The following MPDZ variants were observed in gnomAD, a reference collection of about 807,000 sequenced individuals.
MPDZ encodes the protein multiple PDZ domain protein.
A neutral mutation model predicts 239.1 loss-of-function variants in MPDZ; 234 were observed. That is an observed-to-expected ratio of 0.98 (90% CI 0.88 to 1.09). The LOEUF (loss-of-function observed/expected upper bound fraction) is 1.09, where lower values mean the gene tolerates loss of function less well. Among genes scored for constraint, MPDZ ranks in the 50% least tolerant of loss-of-function variants. The probability of loss-of-function intolerance (pLI) is 0.00; values close to 1 mark genes in which losing one functional copy is unlikely to be tolerated. For synonymous variants in MPDZ, 1,048 were observed against 881.3 expected, an observed-to-expected ratio of 1.19 and a Z score of -3.35; for missense variants, 3,175 against 2,510.0, an observed-to-expected ratio of 1.26 and a Z score of -5.66.
chr9:13,217,970 G>C (rs1412113), intron 8 of MPDZ, among the ~76,000 whole-genome samples: 145,535 of 151,828 alleles, frequency 0.96, 70,048 homozygotes, highest in East Asian at 1. Flanking sequence ...TTAAGCATTA[G>C]TTGATTGGTA....
At chr9:13,155,275 G>C (rs1218378259) in intron 24 of MPDZ, among the ~76,000 whole-genome samples, 2 of 151,948 alleles carry the variant, frequency 1.3e-5, no homozygotes, top group Non-Finnish European at 2.9e-5. Context: ...ACAACTGAAA[G>C]TAAAAAATGC....
chr9:13,198,731 CTCTCTCTG>C (rs1178146211), intron 12 of MPDZ, among the ~76,000 whole-genome samples: 6 of 4,438 alleles, frequency 1.4e-3, no homozygotes, highest in East Asian at 8.7e-3. Flanking sequence ...TCTTTAATCT[CTCTCTCTG>C]TGTGTGTGTG....
chr9:13,108,595 A>G (rs1363579673), intron 46 of MPDZ, among the ~76,000 whole-genome samples: 1 of 152,178 alleles, frequency 6.6e-6, no homozygotes, highest in Admixed American at 6.5e-5. Flanking sequence ...AGTGCTCTAC[A>G]GCATACTTAT....
intron 3 of MPDZ, among the ~76,000 whole-genome samples, chr9:13,238,688 AAAG>A (rs1163486860): frequency 6.6e-6 from 1 of 152,194 alleles, no homozygotes; most frequent in Admixed American, 6.5e-5. Flanking sequence ...ATGCACTATC[AAAG>A]AAGGATACCA....
At chr9:13,123,050 C>T in intron 36 of MPDZ, 103 bp downstream of exon 36, 2 of 1,229,612 alleles carry the variant, frequency 1.6e-6, no homozygotes, top group Non-Finnish European at 2.2e-6. Context: ...TTTTTTCGGC[C>T]TTCACATTTC....
At chr9:13,257,789 G>C (rs1224724399) in intron 1 of MPDZ, among the ~76,000 whole-genome samples, 2 of 152,100 alleles carry the variant, frequency 1.3e-5, no homozygotes, top group Non-Finnish European at 2.9e-5. Context: ...AGTTAAATTT[G>C]AATTTCAGGT....
intron 24 of MPDZ, among the ~76,000 whole-genome samples, chr9:13,154,441 C>G (rs150350654): frequency 1.6e-4 from 24 of 152,260 alleles, no homozygotes; most frequent in South Asian, 4.1e-4. Flanking sequence ...GAGCTGTGAA[C>G]TGAGTCTCTG....
rs779501527 is a variant in MPDZ at position 13,219,623 on chromosome 9, C to T, written c.1022G>A (p.Arg341His). Residue 341 changes from arginine to histidine, a missense_variant, in exon 8 of 47, where the codon CGT becomes CAT. Arg to His is a conservative substitution (Grantham distance 29). Transcript: ENST00000319217. Reference protein sequence around the residue: ...LMIARGAIEERTAPTALGITL... With the variant: ...LMIARGAIEEHTAPTALGITL... Reference sequence around the variant, plus strand: ...GATGCCCAAAGCAGTGGGTGCTGTACGTTCTTCTATGGCACCTCTTGCAAT... The same window carrying T: ...GATGCCCAAAGCAGTGGGTGCTGTATGTTCTTCTATGGCACCTCTTGCAAT... 5.0e-6 allele frequency: 8 copies of T among 1,612,444 alleles called. No homozygotes were observed. In the Admixed American group the frequency reaches 1.2e-4, roughly 24 times the overall value.
At chr9:13,128,059 T>C (rs1195660959) in intron 32 of MPDZ, among the ~76,000 whole-genome samples, 1 of 152,148 alleles carries the variant, frequency 6.6e-6, no homozygotes, top group Non-Finnish European at 1.5e-5. Context: ...TTAGAATATC[T>C]AGCCTTCCCA....
At chr9:13,152,030 G>T (rs962393799) in intron 24 of MPDZ, among the ~76,000 whole-genome samples, 1 of 152,068 alleles carries the variant, frequency 6.6e-6, no homozygotes, top group African/African-American at 2.4e-5. Context: ...GTAAAAGGAT[G>T]ATTTTACAGG....
In MPDZ at chr9:13,224,600, G is replaced by C. The variant is rs758461909; in HGVS notation, c.184-17C>G. The C allele has an allele frequency of 1.3e-6, 2 of 1,512,920 alleles. No individual in the cohort carries two copies. The highest frequency in any genetic ancestry group is 1.8e-6 in the Non-Finnish European group (2 of 1,102,808). The allele number at this position is 1,512,920 out of a possible 1,614,324, so 93.7% of individuals were successfully genotyped here. On this transcript the variant is annotated splice_polypyrimidine_tract_variant and intron_variant, in intron 3 of 46. Transcript: ENST00000319217. ...AATATTTACCTAAGAGTAATGCAGGGATTATTAAGAATTTTGACATTCCAT... is the reference window on the plus strand; with the variant it reads ...AATATTTACCTAAGAGTAATGCAGGCATTATTAAGAATTTTGACATTCCAT...
intron 2 of MPDZ, among the ~76,000 whole-genome samples, chr9:13,249,998 A>T (rs979853098): frequency 2.0e-5 from 3 of 152,226 alleles, no homozygotes; most frequent in African/African-American, 7.2e-5. Flanking sequence ...AATAGATATT[A>T]ACCAGAATTA....
intron 9 of MPDZ, 55 bp downstream of exon 9, chr9:13,217,125 A>C: frequency 1.7e-6 from 2 of 1,148,432 alleles, no homozygotes; most frequent in Non-Finnish European, 2.5e-6. Flanking sequence ...TTTATAAGAG[A>C]TAGATATCAG....
rs777844320 is a variant in MPDZ at position 13,119,593 on chromosome 9, T to C, written c.5288A>G (p.Asp1763Gly). 1.9e-6 allele frequency: 3 copies of C among 1,614,022 alleles called. No homozygotes were observed. The highest frequency in any genetic ancestry group is 2.2e-5 in the South Asian group (2 of 91,084). ...CTGGTCTCCCTGCATCAGTCTTCCATCGGCATCTGCAATTCCTCCTTTGAC... is the reference window on the plus strand; with the variant it reads ...CTGGTCTCCCTGCATCAGTCTTCCACCGGCATCTGCAATTCCTCCTTTGAC... ...DIVKGGIADA[D>G]GRLMQGDQIL... Residue 1763 changes from aspartate to glycine, a missense_variant, in exon 39 of 47, where the codon GAT becomes GGT. Physicochemically the swap from Asp to Gly is moderately conservative, Grantham distance 94 (BLOSUM62 -1). Coordinates refer to ENST00000319217, the MANE Select transcript of MPDZ (RefSeq NM_001378778.1).
chr9:13,193,410 A>C, intron 13 of MPDZ, 97 bp from the exon 14 acceptor site: 1 of 1,325,188 alleles, frequency 7.5e-7, no homozygotes, highest in South Asian at 1.9e-5. Context: ...AAAAGTGGTC[A>C]TCTTTCTCAC....
chr9:13,108,631 G>A (rs1246076817), intron 46 of MPDZ, among the ~76,000 whole-genome samples: 2 of 151,832 alleles, frequency 1.3e-5, no homozygotes, highest in African/African-American at 2.4e-5. Context: ...TTCAAAAGAC[G>A]ATCATGTGCA....
At position 13,165,487 on chromosome 9, in the gene MPDZ, T is replaced by C; in HGVS notation, c.3255-2692A>G. On this transcript the variant is annotated intron_variant, in intron 22 of 46. Transcript: ENST00000319217. ...TCAATGTCTTGTGCTGAATGTGAGA[T>C]GCATACATATGTAGTTAAAAGTGGG... is the stretch of plus-strand genomic sequence containing the variant. 15 of 1,511,312 alleles carry C rather than the reference T, an allele frequency of 9.9e-6. No homozygotes were observed. In the South Asian group the frequency reaches 1.6e-4, roughly 16 times the overall value. 93.6% of individuals were successfully genotyped at this position (1,511,312 alleles called of 1,614,324 possible).
intron 3 of MPDZ, among the ~76,000 whole-genome samples, chr9:13,243,278 T>G (rs1176016429): frequency 6.6e-6 from 1 of 152,086 alleles, no homozygotes; most frequent in Non-Finnish European, 1.5e-5. Flanking sequence ...AATATGAGCC[T>G]CCATGAGATA....
At chr9:13,165,462 T>A (rs969939620) in intron 22 of MPDZ, 1 of 1,545,582 alleles carries the variant, frequency 6.5e-7, no homozygotes, top group African/African-American at 1.4e-5. Context: ...TTAACAAATG[T>A]CAATGTCTTG....
Sources: gnomAD v4.1 joint callset for allele counts (sites outside exome capture counted in the v4.1 genomes callset) on GRCh38, gnomAD v4.1.1 for gene constraint, MANE v1.5 for transcripts, NCBI Gene and HGNC (gene_info 2026-07-23, HGNC 2026-07-21) for gene names.